Variants in NUDT18 observed in about 807,000 individuals in gnomAD.
NUDT18 encodes the protein nudix hydrolase 18.
In NUDT18, 26 loss-of-function variants were observed where a neutral mutation model predicts 27.6. The ratio of observed to expected loss-of-function variants is 0.94; its 90% CI spans 0.69 to 1.31. The LOEUF is 1.31. NUDT18 is among the 50% of genes most tolerant of loss of function. The probability of loss-of-function intolerance (pLI) is 0.00; values close to 1 mark genes in which losing one functional copy is unlikely to be tolerated. For missense variants in NUDT18, 450 were observed against 433.4 expected (o/e 1.04, Z -0.34); for synonymous variants, 220 against 196.9 (o/e 1.12, Z -0.98).
At chr8:22,109,573 C>T (rs1288715210), upstream of NUDT18, 1 of 528,432 alleles carries the variant, frequency 1.9e-6, no homozygotes, top group Admixed American at 2.4e-5. Context: ...GGGCACGGGT[C>T]CGGAGCCCAG....
chr8:22,110,209 G>A (rs1826447988), upstream of NUDT18, among the ~76,000 whole-genome samples: 1 of 152,238 alleles, frequency 6.6e-6, no homozygotes, highest in Non-Finnish European at 1.5e-5. Context: ...GGGAGGGCGG[G>A]GGTGGGGCCC....
In NUDT18 at chr8:22,107,701, G is replaced by A. The variant is rs1038760972; in HGVS notation, c.571C>T (p.Arg191Trp). ...QELPCDLVCQ[R>W]LVATFTSAQT... ...GCGCTGGTAAAGGTAGCCACGAGCC[G>A]CTGGCAGACCAGATCACAGGGTAGC... Residue 191 changes from arginine (R) to tryptophan (W), a missense_variant, in exon 3 of 3, where the codon CGG becomes TGG. Physicochemically the swap from Arg to Trp is moderately radical, Grantham distance 101 (BLOSUM62 -3). Coordinates refer to ENST00000611621, the MANE Select transcript of NUDT18 (RefSeq NM_024815.4). 1.3e-5 allele frequency: 21 copies of A among 1,613,064 alleles called. No individual in the cohort carries two copies. Among genetic ancestry groups the A allele is most frequent in the Admixed American group, 1.7e-5 (1 of 59,970 alleles).
At chr8:22,109,897 C>A, upstream of NUDT18, 1 of 364,198 alleles carries the variant, frequency 2.7e-6, no homozygotes, top group South Asian at 2.0e-5. Context: ...ATAAATGTCA[C>A]ATGGCCCGTG....
rs1270744584 is a variant in NUDT18, at chr8:22,109,216, C to T, written c.85G>A (p.Ala29Thr). 1.4e-6 allele frequency: 2 copies of T among 1,441,308 alleles called. No homozygotes were observed. The highest frequency in any genetic ancestry group is 1.8e-6 in the Non-Finnish European group (2 of 1,107,064). 89.3% of individuals were successfully genotyped at this position (1,441,308 alleles called of 1,614,324 possible). A position where few individuals can be genotyped will look rare whatever the true frequency, so the allele number is the denominator to read the frequency against. The change falls in exon 1 of 3, where the codon GCC (alanine) becomes ACC (threonine). Residue 29 changes from alanine to threonine, a missense_variant. Coordinates refer to ENST00000611621, the MANE Select transcript of NUDT18 (RefSeq NM_024815.4). ...CGCACGGGCGCCGGCGGCTCCCCGG[C>T]CGGCGCCGAGTCGCAGCTGTGCACG... is the stretch of plus-strand genomic sequence containing the variant. The part of the protein sequence containing the change: ...SSVHSCDSAP[A>T]GEPPAPVRLR...
chr8:22,109,393 T>TGCGGAGACCGCTCCCAGTCCCG lies in NUDT18; in HGVS notation c.-94_-93insCGGGACTGGGAGCGGTCTCCGC. 3.3e-6 allele frequency: 4 copies of TGCGGAGACCGCTCCCAGTCCCG among 1,221,956 alleles called. No homozygotes were observed. Among genetic ancestry groups the TGCGGAGACCGCTCCCAGTCCCG allele is most frequent in the Non-Finnish European group, 4.2e-6 (4 of 949,094 alleles). 75.7% of individuals were successfully genotyped at this position (1,221,956 alleles called of 1,614,324 possible). ...CGCTGCGGAGCCCGCTCCCAGTCCC[T>TGCGGAGACCGCTCCCAGTCCCG]GCGGCAGCGGGCCGGGAGCTCACGA... On this transcript the variant is annotated 5_prime_UTR_variant, in exon 1 of 3. Coordinates refer to ENST00000611621, the MANE Select transcript of NUDT18 (RefSeq NM_024815.4).
chr8:22,107,112 A>G lies in NUDT18; in HGVS notation c.*188T>C, dbSNP rs1335084972. The G allele has an allele frequency of 1.7e-6, 1 of 580,630 alleles. No homozygotes were observed. Among genetic ancestry groups the G allele is most frequent in the Non-Finnish European group, 3.0e-6 (1 of 328,462 alleles). 36.0% of individuals were successfully genotyped at this position (580,630 alleles called of 1,614,324 possible). Reference sequence around the variant, plus strand: ...GAGCTTTGGACTCCTCGCTTGGTTAAAGGCACTGTCCCTTGTGCAATCTAG... The same window carrying G: ...GAGCTTTGGACTCCTCGCTTGGTTAGAGGCACTGTCCCTTGTGCAATCTAG... On this transcript the variant is annotated 3_prime_UTR_variant, in exon 3 of 3. Transcript: ENST00000611621.
chr8:22,108,943 G>C (rs1428235212), intron 1 of NUDT18, among the ~76,000 whole-genome samples, 196 bp downstream of exon 1: 1 of 152,200 alleles, frequency 6.6e-6, no homozygotes, highest in Admixed American at 6.5e-5. Flanking sequence ...GAGACAAACA[G>C]GCCCCGGGCC....
At chr8:22,108,481 G>A in intron 1 of NUDT18, 135 bp from the exon 2 acceptor site, 1 of 701,652 alleles carries the variant, frequency 1.4e-6, no homozygotes, top group Non-Finnish European at 2.3e-6. Context: ...CAGGAGACCT[G>A]CCCTCGTGTC....
rs1826404605 is a variant in NUDT18, at chr8:22,108,332, CAGT to C, written c.174_176del (p.Leu59del). On this transcript the variant is annotated inframe_deletion, in exon 2 of 3. Coordinates refer to ENST00000611621, the MANE Select transcript of NUDT18 (RefSeq NM_024815.4). ...GGCACTCCCTCTTGGCCTCCTGGAT[CAGT>C]AGCACCTCATCCTGAGAGGAGAGAG... The C allele has an allele frequency of 6.3e-7, 1 of 1,578,800 alleles. No homozygotes were observed. Among genetic ancestry groups the C allele is most frequent in the African/African-American group, 1.3e-5 (1 of 74,096 alleles).
chr8:22,109,681 G>C (rs1366527202), upstream of NUDT18: 1 of 465,666 alleles, frequency 2.1e-6, no homozygotes, highest in African/African-American at 2.0e-5. Flanking sequence ...GCACTGGTCT[G>C]CAGGAGCTCC....
chr8:22,109,378 C>CTCCCAGTCCCTGCGGAGA lies in NUDT18; in HGVS notation c.-79_-78insTCTCCGCAGGGACTGGGA. ...CCGCGGGCTAGAGTGCGCTGCGGAG[C>CTCCCAGTCCCTGCGGAGA]CCGCTCCCAGTCCCTGCGGCAGCGG... On this transcript the variant is annotated 5_prime_UTR_variant, in exon 1 of 3. Transcript: ENST00000611621. 2.5e-6 allele frequency: 3 copies of CTCCCAGTCCCTGCGGAGA among 1,195,274 alleles called. No individual in the cohort carries two copies. The highest frequency in any genetic ancestry group is 1.6e-5 in the African/African-American group (1 of 62,162). 74.0% of individuals were successfully genotyped at this position (1,195,274 alleles called of 1,614,324 possible).
chr8:22,108,203 G>T lies in NUDT18; in HGVS notation c.306C>A (p.Pro102=). The change falls in exon 2 of 3, where the codon CCC becomes CCA. Residue 102 remains proline (P), a synonymous_variant. Coordinates refer to ENST00000611621, the MANE Select transcript of NUDT18 (RefSeq NM_024815.4). The stretch of plus-strand genomic sequence containing the variant: ...GCTCCTCCACGGACAGCAGTGTCTC[G>T]GGCTCACAGTGCAGCCCCGCCTCCT... ...VKEEAGLHCE[P]ETLLSVEERG... 6.3e-7 allele frequency: 1 copy of T among 1,592,064 alleles called. No homozygotes were observed. Among genetic ancestry groups the T allele is most frequent in the South Asian group, 1.1e-5 (1 of 87,916 alleles).
chr8:22,107,431 G>A lies in NUDT18; in HGVS notation c.841C>T (p.Pro281Ser), dbSNP rs754887456. The change falls in exon 3 of 3, where the codon CCA becomes TCA. Residue 281 changes from proline (P) to serine (S), a missense_variant. Coordinates refer to ENST00000611621, the MANE Select transcript of NUDT18 (RefSeq NM_024815.4). The part of the protein sequence containing the change: ...NVLVTVAFRS[P>S]GIQDEPPKVR... ...TTTGGGGGTTCATCCTGGATCCCTG[G>A]GCTCCGAAAAGCCACGGTCACCAGC... The A allele has an allele frequency of 1.9e-6, 3 of 1,613,180 alleles. No homozygotes were observed. Among genetic ancestry groups the A allele is most frequent in the Non-Finnish European group, 1.7e-6 (2 of 1,179,858 alleles).
Position 22,109,369 on chromosome 8 carries a change from G to GCTGCGGAGCCCGCTCTCAGTCC in NUDT18, c.-70_-69insGGACTGAGAGCGGGCTCCGCAG. On this transcript the variant is annotated 5_prime_UTR_variant, in exon 1 of 3. Coordinates refer to ENST00000611621, the MANE Select transcript of NUDT18 (RefSeq NM_024815.4). ...TGAGCCGAGCCGCGGGCTAGAGTGCGCTGCGGAGCCCGCTCCCAGTCCCTG... is the reference window on the plus strand; with the variant it reads ...TGAGCCGAGCCGCGGGCTAGAGTGCGCTGCGGAGCCCGCTCTCAGTCCCTGCGGAGCCCGCTCCCAGTCCCTG... 1 of 712,744 alleles carries GCTGCGGAGCCCGCTCTCAGTCC rather than the reference G, an allele frequency of 1.4e-6. No homozygotes were observed. Among genetic ancestry groups the GCTGCGGAGCCCGCTCTCAGTCC allele is most frequent in the Non-Finnish European group, 1.8e-6 (1 of 557,184 alleles). The allele number at this position is 712,744 out of a possible 1,614,324, so 44.2% of individuals were successfully genotyped here.
At chr8:22,110,089 C>T (rs1294856587), upstream of NUDT18, among the ~76,000 whole-genome samples, 1 of 152,108 alleles carries the variant, frequency 6.6e-6, no homozygotes, top group East Asian at 1.9e-4. Flanking sequence ...CGGGAGGGGT[C>T]CGGGGCTGAG....
In NUDT18 at chr8:22,109,152, A is replaced by C. The variant is rs557344148; in HGVS notation, c.149T>G (p.Phe50Cys). Residue 50 changes from phenylalanine (F) to cysteine (C), a missense_variant, in exon 1 of 3, where the codon TTC becomes TGC. By Grantham distance (205) the Phe-to-Cys change is radical (BLOSUM62 -2). Transcript: ENST00000611621. ...GCGGCCGCTCACCTGCTCGCTGAGGAACACGGCCAGCACCACGTAGCACAC... is the reference window on the plus strand; with the variant it reads ...GCGGCCGCTCACCTGCTCGCTGAGGCACACGGCCAGCACCACGTAGCACAC... Reference protein sequence around the residue: ...KNVCYVVLAVFLSEQDEVLLI... With the variant: ...KNVCYVVLAVCLSEQDEVLLI... 6.2e-6 allele frequency: 9 copies of C among 1,443,720 alleles called. No homozygotes were observed. The South Asian group carries it at 1.2e-4, about 20-fold the overall frequency. 89.4% of individuals were successfully genotyped at this position (1,443,720 alleles called of 1,614,324 possible). A position where few individuals can be genotyped will look rare whatever the true frequency, so the allele number is the denominator to read the frequency against.
chr8:22,107,849 C>G lies in NUDT18; in HGVS notation c.423G>C (p.Gln141His). 1 of 1,604,622 alleles carries G rather than the reference C, an allele frequency of 6.2e-7. No individual in the cohort carries two copies. The highest frequency in any genetic ancestry group is 8.5e-7 in the Non-Finnish European group (1 of 1,174,678). The change falls in exon 3 of 3, where the codon CAG (glutamine) becomes CAC (histidine). Residue 141 changes from glutamine (Q) to histidine (H), a missense_variant. Gln to His is a conservative substitution (Grantham distance 24). Coordinates refer to ENST00000611621, the MANE Select transcript of NUDT18 (RefSeq NM_024815.4). ...TSKEADAESL[Q>H]AAWYPRTSLP... ...GGGAGGTCCGTGGGTACCAGGCAGC[C>G]TGCAGGGACTCCGCATCGGCCTCCT...
rs772667354 is a variant in NUDT18 at position 22,107,459 on chromosome 8, A to C, written c.813T>G (p.Asn271Lys). 1.8e-5 allele frequency: 29 copies of C among 1,613,170 alleles called. No individual in the cohort carries two copies. In the South Asian group the frequency reaches 3.1e-4, roughly 17 times the overall value. The change falls in exon 3 of 3, where the codon AAT (asparagine) becomes AAG (lysine). Residue 271 changes from asparagine (N) to lysine (K), a missense_variant. By Grantham distance (94) the Asn-to-Lys change is moderately conservative. Transcript: ENST00000611621. ...GRDHSDGICL[N>K]VLVTVAFRSP... The stretch of plus-strand genomic sequence containing the variant: ...TCCGAAAAGCCACGGTCACCAGCAC[A>C]TTCAAACAGATGCCATCACTGTGAT...
chr8:22,108,085 G>GA lies in NUDT18; in HGVS notation c.376+47dup, dbSNP rs1563610071. The GA allele has an allele frequency of 2.1e-6, 3 of 1,443,644 alleles. No individual in the cohort carries two copies. In the East Asian group the frequency reaches 7.4e-5, roughly 36 times the overall value. The allele number at this position is 1,443,644 out of a possible 1,614,324, so 89.4% of individuals were successfully genotyped here. ...GGCTCACCTCACCGAGGAGCTGGGG[G>GA]AAAGGTGTCAACTGGCCCTGTTCAC... On this transcript the variant is annotated intron_variant, in intron 2 of 2. Transcript: ENST00000611621.
Sources: allele counts gnomAD v4.1 joint callset (sites outside exome capture counted in the v4.1 genomes callset), GRCh38; gene constraint gnomAD v4.1.1; transcripts MANE v1.5; gene names NCBI Gene and HGNC (gene_info 2026-07-23, HGNC 2026-07-21).